The following HYDIN variants were observed in gnomAD, a reference collection of about 807,000 sequenced individuals.
HYDIN encodes HYDIN axonemal central pair apparatus protein.
Under a neutral mutation model 403.9 loss-of-function variants are expected in HYDIN, and 132 were observed. That is an observed-to-expected ratio of 0.33 (90% confidence interval 0.28 to 0.38). The LOEUF is 0.38. HYDIN is among the 10% of genes least tolerant of loss of function. HYDIN has a pLI of 1.00. For synonymous variants in HYDIN, 1,202 were observed against 1,891.7 expected (o/e 0.64, Z 9.46); for missense variants, 2,827 against 5,009.5 (o/e 0.56, Z 13.15).
intron 1 of HYDIN, among the ~76,000 whole-genome samples, chr16:71,225,220 T>A (rs544845377): frequency 1.3e-5 from 2 of 152,326 alleles, no homozygotes; most frequent in African/African-American, 4.8e-5. Flanking sequence ...CTGACTGCTC[T>A]GTGATCTATC....
chr16:70,909,388 A>T (rs71401845), intron 47 of HYDIN, among the ~76,000 whole-genome samples: 1 of 152,260 alleles, frequency 6.6e-6, no homozygotes, highest in African/African-American at 2.4e-5. Flanking sequence ...ATCAAAAAAA[A>T]ATTTTTGCCT....
chr16:70,828,730 G>T (rs1166327872), intron 81 of HYDIN, among the ~76,000 whole-genome samples: 1 of 152,146 alleles, frequency 6.6e-6, no homozygotes, highest in Non-Finnish European at 1.5e-5. Context: ...TTCAACAAAT[G>T]GGACTGTAAA....
chr16:71,094,284 T>C (rs1372134192), intron 10 of HYDIN, among the ~76,000 whole-genome samples: 1 of 151,896 alleles, frequency 6.6e-6, no homozygotes, highest in African/African-American at 2.4e-5. Flanking sequence ...GGCCACTTTA[T>C]GCAATAAAAT....
chr16:71,011,067 C>A (rs2080065625), intron 23 of HYDIN, among the ~76,000 whole-genome samples: 2 of 152,142 alleles, frequency 1.3e-5, no homozygotes. Flanking sequence ...TGTCTAAGGA[C>A]CCTAGAGCTC....
chr16:71,169,684 G>A (rs2086383293), intron 5 of HYDIN, among the ~76,000 whole-genome samples: 1 of 152,166 alleles, frequency 6.6e-6, no homozygotes, highest in Non-Finnish European at 1.5e-5. Context: ...ATTGGGGGAT[G>A]CTGGTCAGAG....
chr16:71,161,931 C>T (rs953440353), intron 6 of HYDIN, among the ~76,000 whole-genome samples: 60 of 147,080 alleles, frequency 4.1e-4, no homozygotes, highest in African/African-American at 1.4e-3. Flanking sequence ...ATTATCCCAA[C>T]AACCTTATGA....
chr16:71,038,953 G>A (rs1281350347), intron 18 of HYDIN, among the ~76,000 whole-genome samples: 8 of 152,146 alleles, frequency 5.3e-5, no homozygotes, highest in Non-Finnish European at 1.0e-4. Context: ...TCTCCTGTTC[G>A]TCTTCTAAAT....
At chr16:71,171,688 T>C (rs1236161149) in intron 5 of HYDIN, among the ~76,000 whole-genome samples, 2 of 152,222 alleles carry the variant, frequency 1.3e-5, no homozygotes, top group Admixed American at 1.3e-4. Context: ...AGAAACTCTT[T>C]TTAGAGAAGA....
At chr16:71,040,228 CGCTT>C (rs1302460468) in intron 18 of HYDIN, among the ~76,000 whole-genome samples, 1 of 151,880 alleles carries the variant, frequency 6.6e-6, no homozygotes, top group Admixed American at 6.6e-5. Context: ...CCACCTCATT[CGCTT>C]GCGTGCTCCC....
chr16:70,925,491 C>T (rs1460859507), intron 45 of HYDIN, among the ~76,000 whole-genome samples: 9 of 152,224 alleles, frequency 5.9e-5, no homozygotes, highest in Non-Finnish European at 1.2e-4. Flanking sequence ...ACGTTAGACC[C>T]AAAACCATAA....
At chr16:71,199,862 C>A (rs1201386075) in intron 1 of HYDIN, among the ~76,000 whole-genome samples, 1 of 152,150 alleles carries the variant, frequency 6.6e-6, no homozygotes, top group Non-Finnish European at 1.5e-5. Flanking sequence ...TGAACCAGAG[C>A]AACTCCATCT....
chr16:70,950,487 G>A (rs2078031440), intron 41 of HYDIN, among the ~76,000 whole-genome samples: 1 of 151,490 alleles, frequency 6.6e-6, no homozygotes, highest in Non-Finnish European at 1.5e-5. Flanking sequence ...TGAACTCCTG[G>A]CCTAAAGTGA....
At chr16:71,011,182 A>C (rs898676118) in intron 23 of HYDIN, among the ~76,000 whole-genome samples, 4 of 152,088 alleles carry the variant, frequency 2.6e-5, no homozygotes, top group African/African-American at 9.7e-5. Context: ...AGAGAACCTA[A>C]AAACAGCCAC....
chr16:71,156,984 ATG>A (rs1405492467), intron 6 of HYDIN, among the ~76,000 whole-genome samples: 1 of 148,270 alleles, frequency 6.7e-6, no homozygotes, highest in Admixed American at 6.8e-5. Flanking sequence ...CAGTTGGAGA[ATG>A]TGTTTTATTT....
In HYDIN at chr16:70,889,695, G is replaced by A. The variant is rs113036581; in HGVS notation, c.9666C>T (p.His3222=). Residue 3222 remains histidine (H), a synonymous_variant, in exon 58 of 86, where the codon CAC becomes CAT. Transcript: ENST00000393567. ...SPIHQKKAAS[H]VRHARSRESE... The stretch of plus-strand genomic sequence containing the variant: ...TTTCTCGGGATCTTGCATGTCTGAC[G>A]TGGCTGGCTCTGATTAAAGAAGCAA... 18,645 of 636,890 alleles carry A rather than the reference G, an allele frequency of 0.029. 396 individuals carry two copies. Among genetic ancestry groups the A allele is most frequent in the Non-Finnish European group, 0.04 (14,203 of 356,708 alleles). The allele number at this position is 636,890 out of a possible 1,614,324, so 39.5% of individuals were successfully genotyped here.
Position 70,834,125 on chromosome 16 carries a change from G to C in HYDIN, c.13441C>G (p.Pro4481Ala). The change falls in exon 79 of 86, where the codon CCC becomes GCC. Residue 4481 changes from proline (P) to alanine (A), a missense_variant. Coordinates refer to ENST00000393567, the MANE Select transcript of HYDIN (RefSeq NM_001270974.2). ...ACTTCCAGTTTACAGACTTCTTTGG[G>C]CTTCAGTGTGATGTTGTGGAAGGGC... ...LAPFHNITLK[P>A]KEVCKLEVIF... is the part of the protein sequence containing the mutation. 2 of 1,613,718 alleles carry C rather than the reference G, an allele frequency of 1.2e-6. No individual in the cohort carries two copies. Among genetic ancestry groups the C allele is most frequent in the Non-Finnish European group, 1.7e-6 (2 of 1,179,804 alleles).
At chr16:70,838,322 C>T (rs1457361868) in intron 76 of HYDIN, among the ~76,000 whole-genome samples, 2 of 151,922 alleles carry the variant, frequency 1.3e-5, no homozygotes, top group Non-Finnish European at 2.9e-5. Flanking sequence ...TCCTGAGTAG[C>T]TGGGATTATA....
intron 1 of HYDIN, among the ~76,000 whole-genome samples, chr16:71,195,245 AG>A (rs2087632803): frequency 6.6e-6 from 1 of 151,778 alleles, no homozygotes; most frequent in South Asian, 2.1e-4. Flanking sequence ...GTTAGCAGAA[AG>A]TTTGGTTTAA....
At chr16:71,060,167 G>T (rs1227955834) in intron 18 of HYDIN, among the ~76,000 whole-genome samples, 2 of 151,140 alleles carry the variant, frequency 1.3e-5, no homozygotes, top group Non-Finnish European at 3.0e-5. Context: ...GGAGCTTGTT[G>T]ACCTCCGAAG....
Sources: gnomAD v4.1 joint callset for allele counts (sites outside exome capture counted in the v4.1 genomes callset) on GRCh38, gnomAD v4.1.1 for gene constraint, MANE v1.5 for transcripts, NCBI Gene and HGNC (gene_info 2026-07-23, HGNC 2026-07-21) for gene names.